Variants in ZNF280D observed in about 807,000 individuals in gnomAD.
The protein encoded by ZNF280D is suppressor of hairy wing homolog 4.
A neutral mutation model predicts 94.7 loss-of-function variants in ZNF280D; 39 were observed. That is an observed-to-expected ratio of 0.41 (90% CI 0.32 to 0.54). The LOEUF is 0.54. Among genes scored for constraint, ZNF280D ranks in the 20% least tolerant of loss-of-function variants. The pLI is 0.22. For missense variants in ZNF280D, 1,090 were observed against 1,149.3 expected (o/e 0.95, Z 0.75); for synonymous variants, 398 against 377.6 (o/e 1.05, Z -0.63).
intron 6 of ZNF280D, chr15:56,700,479 A>G (rs2056996545): frequency 1.3e-5 from 13 of 965,704 alleles, no homozygotes; most frequent in Admixed American, 5.3e-5. Flanking sequence ...TTTGTAACAA[A>G]AAAAGTGGGA....
chr15:56,725,851 T>C (rs2058603961), intron 1 of ZNF280D, among the ~76,000 whole-genome samples: 1 of 151,992 alleles, frequency 6.6e-6, no homozygotes, highest in South Asian at 2.1e-4. Context: ...CGAACATTAA[T>C]TATGTGTAAG....
In ZNF280D at chr15:56,631,281, C is replaced by T. The variant is rs1596308970; in HGVS notation, c.*217G>A. 4 of 468,742 alleles carry T rather than the reference C, an allele frequency of 8.5e-6. No homozygotes were observed. The East Asian group carries it at 9.9e-5, about 12-fold the overall frequency. The allele number at this position is 468,742 out of a possible 1,614,324, so 29.0% of individuals were successfully genotyped here. ...ATTTAATTATCATTAAAATCCTGTT[C>T]GTGTTTTTAAAAACTTTTTGGGAAT... On this transcript the variant is annotated 3_prime_UTR_variant, in exon 22 of 22. Transcript: ENST00000267807.
chr15:56,687,442 A>G (rs1361607975), intron 9 of ZNF280D, among the ~76,000 whole-genome samples: 3 of 152,314 alleles, frequency 2.0e-5, no homozygotes, highest in Non-Finnish European at 4.4e-5. Context: ...AAAATAGAAA[A>G]TAAGAACACT....
At chr15:56,635,317 AAACTT>A (rs1273820830) in intron 20 of ZNF280D, 67 bp from the exon 21 acceptor site, 8 of 825,616 alleles carry the variant, frequency 9.7e-6, no homozygotes, top group Admixed American at 3.1e-5. Flanking sequence ...TTATTATACT[AAACTT>A]TCTGGATAAA....
At chr15:56,671,919 G>A (rs1206178353) in intron 13 of ZNF280D, among the ~76,000 whole-genome samples, 2 of 151,938 alleles carry the variant, frequency 1.3e-5, no homozygotes, top group African/African-American at 2.4e-5. Flanking sequence ...TGTATTCCTA[G>A]GTATTTCATT....
intron 1 of ZNF280D, among the ~76,000 whole-genome samples, chr15:56,711,435 C>T (rs1296400216): frequency 3.3e-5 from 5 of 152,000 alleles, no homozygotes; most frequent in African/African-American, 1.2e-4. Flanking sequence ...GAGGCCGAGG[C>T]AGGTGGATCA....
intron 18 of ZNF280D, 62 bp downstream of exon 18, chr15:56,654,323 G>C: frequency 6.3e-7 from 1 of 1,597,582 alleles, no homozygotes; most frequent in Non-Finnish European, 8.5e-7. Context: ...CCATATTGTG[G>C]ATGACCAAAA....
intron 20 of ZNF280D, among the ~76,000 whole-genome samples, chr15:56,640,794 T>C (rs1446607367): frequency 6.6e-6 from 1 of 152,154 alleles, no homozygotes; most frequent in African/African-American, 2.4e-5. Context: ...AAGACTGCAC[T>C]AAGCAAAATA....
chr15:56,649,853 G>C (rs1383512819), intron 19 of ZNF280D, among the ~76,000 whole-genome samples: 6 of 151,924 alleles, frequency 3.9e-5, no homozygotes, highest in African/African-American at 9.7e-5. Context: ...ATAGAAAAAG[G>C]CTGCCATTCT....
At chr15:56,728,393 T>C (rs530746633) in intron 1 of ZNF280D, among the ~76,000 whole-genome samples, 4 of 152,318 alleles carry the variant, frequency 2.6e-5, no homozygotes, top group East Asian at 3.9e-4. Flanking sequence ...ATAGAAAATA[T>C]AGACATTTTA....
intron 16 of ZNF280D, among the ~76,000 whole-genome samples, chr15:56,663,613 C>T (rs1051204153): frequency 1.3e-5 from 2 of 152,144 alleles, no homozygotes; most frequent in Admixed American, 6.5e-5. Context: ...ACCTACCCAA[C>T]CCTAAGAGTG....
chr15:56,659,665 T>C (rs2053800092), intron 16 of ZNF280D, among the ~76,000 whole-genome samples: 1 of 151,946 alleles, frequency 6.6e-6, no homozygotes, highest in Non-Finnish European at 1.5e-5. Context: ...CCCCAGCAGA[T>C]AAGGGGGACT....
At chr15:56,671,358 G>A (rs1023572182) in intron 13 of ZNF280D, among the ~76,000 whole-genome samples, 3 of 152,120 alleles carry the variant, frequency 2.0e-5, no homozygotes, top group Admixed American at 6.6e-5. Context: ...GGTGTATGAT[G>A]TAAGGAAGGG....
At chr15:56,686,794 T>C (rs888437689) in intron 9 of ZNF280D, among the ~76,000 whole-genome samples, 2 of 151,826 alleles carry the variant, frequency 1.3e-5, no homozygotes, top group Admixed American at 1.3e-4. Flanking sequence ...TTTTGAAAGC[T>C]AGTTACGCCA....
chr15:56,731,747 T>C (rs1393297082), intron 1 of ZNF280D, among the ~76,000 whole-genome samples: 2 of 152,058 alleles, frequency 1.3e-5, no homozygotes, highest in South Asian at 2.1e-4. Flanking sequence ...GAAAACAGAA[T>C]GTGAGATAAG....
rs548572076 is a variant in ZNF280D at position 56,687,262 on chromosome 15, T to TA, written c.780+1778dup. 8.5e-5 allele frequency among the ~76,000 whole-genome samples: 13 copies of TA among 152,232 alleles called. No individual in the cohort carries two copies. In the East Asian group the frequency reaches 2.5e-3, roughly 29 times the overall value. On this transcript the variant is annotated intron_variant, in intron 9 of 21. Coordinates refer to ENST00000267807, the MANE Select transcript of ZNF280D (RefSeq NM_017661.4). ...CAATGACAGAGATACTTTCCTTATT[T>TA]AAAATGTCATAATGTTCTATTATAT...
At chr15:56,663,336 A>G (rs1277754150) in intron 16 of ZNF280D, among the ~76,000 whole-genome samples, 11 of 151,464 alleles carry the variant, frequency 7.3e-5, no homozygotes, top group Non-Finnish European at 1.5e-4. Context: ...AAGAAACTAT[A>G]CTCTGTGGAA....
intron 1 of ZNF280D, among the ~76,000 whole-genome samples, chr15:56,727,721 C>T (rs1396191141): frequency 2.0e-4 from 31 of 152,110 alleles, no homozygotes; most frequent in Admixed American, 1.2e-3. Context: ...AACTATTAGA[C>T]GAACCAGAAG....
chr15:56,723,652 T>C (rs1366947270), intron 1 of ZNF280D, among the ~76,000 whole-genome samples: 1 of 152,186 alleles, frequency 6.6e-6, no homozygotes, highest in Non-Finnish European at 1.5e-5. Context: ...TTTAATTATA[T>C]CTAGTCAATT....
Sources: gnomAD v4.1 joint callset for allele counts (sites outside exome capture counted in the v4.1 genomes callset) on GRCh38, gnomAD v4.1.1 for gene constraint, MANE v1.5 for transcripts, NCBI Gene and HGNC (gene_info 2026-07-23, HGNC 2026-07-21) for gene names.